SNTG1: variants seen among roughly 807,000 people sequenced by gnomAD.
SNTG1 encodes gamma-1-syntrophin.
SNTG1 carries 39 observed loss-of-function variants against 74.7 expected under a neutral mutation model. The observed-to-expected ratio is 0.52, with a 90% confidence interval of 0.40 to 0.68. SNTG1 has a LOEUF of 0.68. SNTG1 is among the 30% of genes least tolerant of loss of function. SNTG1 has a pLI of 0.00. For missense variants in SNTG1, 685 were observed against 609.5 expected, an observed-to-expected ratio of 1.12 and a Z score of -1.30; for synonymous variants, 254 against 217.1, an observed-to-expected ratio of 1.17 and a Z score of -1.49.
At chr8:50,202,794 TG>T (rs1423329695) in intron 2 of SNTG1, among the ~76,000 whole-genome samples, 8 of 143,238 alleles carry the variant, frequency 5.6e-5, no homozygotes, top group African/African-American at 2.1e-4. Context: ...CTCTTTGTTT[TG>T]TTTTTTTTTT....
intron 2 of SNTG1, among the ~76,000 whole-genome samples, chr8:50,306,538 A>G (rs1481592123): frequency 6.6e-6 from 1 of 151,986 alleles, no homozygotes; most frequent in Non-Finnish European, 1.5e-5. Flanking sequence ...TTCCTTTTTT[A>G]CCACATCCAC....
chr8:50,660,443 G>GA (rs2095216392), intron 15 of SNTG1, among the ~76,000 whole-genome samples: 3 of 123,916 alleles, frequency 2.4e-5, no homozygotes, highest in Non-Finnish European at 4.8e-5. Context: ...GAAAGAAAGA[G>GA]AAAAAAGAAA....
At chr8:50,674,820 C>A (rs1308911880) in intron 15 of SNTG1, among the ~76,000 whole-genome samples, 3 of 152,052 alleles carry the variant, frequency 2.0e-5, no homozygotes, top group African/African-American at 7.2e-5. Context: ...AAGTTTCCCT[C>A]TAAACACTGG....
At chr8:49,970,289 G>A (rs1349466300) in intron 1 of SNTG1, among the ~76,000 whole-genome samples, 1 of 152,002 alleles carries the variant, frequency 6.6e-6, no homozygotes, top group Admixed American at 6.6e-5. Flanking sequence ...ATGCCCACTG[G>A]GTAGTGCTGC....
At chr8:50,527,134 C>T (rs567820132) in intron 9 of SNTG1, among the ~76,000 whole-genome samples, 2 of 152,214 alleles carry the variant, frequency 1.3e-5, no homozygotes, top group African/African-American at 4.8e-5. Context: ...TGGCCATGTG[C>T]ATATCTTCTT....
chr8:50,197,360 T>A (rs1003364807), intron 2 of SNTG1, among the ~76,000 whole-genome samples: 5 of 152,192 alleles, frequency 3.3e-5, no homozygotes, highest in African/African-American at 1.2e-4. Flanking sequence ...ATTTTAGGAT[T>A]GCATAGTTTA....
At chr8:50,489,151 C>G (rs973896688) in intron 8 of SNTG1, among the ~76,000 whole-genome samples, 2 of 152,290 alleles carry the variant, frequency 1.3e-5, no homozygotes, top group East Asian at 3.9e-4. Flanking sequence ...TGTATATGTG[C>G]CACATTTTCT....
At chr8:50,128,811 A>G (rs910648747) in intron 1 of SNTG1, among the ~76,000 whole-genome samples, 6 of 152,146 alleles carry the variant, frequency 3.9e-5, no homozygotes, top group Non-Finnish European at 8.8e-5. Context: ...AATTATCTAT[A>G]TGCTCACCCC....
Position 50,112,515 on chromosome 8 carries a change from C to CTTTTTTT in SNTG1, c.-102-60027_-102-60021dup, listed in dbSNP as rs34942560. On this transcript the variant is annotated intron_variant, in intron 1 of 18. Transcript: ENST00000642720. ...AGCATACACAAGTATTTAGTTCTTT[C>CTTTTTTT]TTTTTTTTTTTTTTTTTTTTTTTTT... is the stretch of plus-strand genomic sequence containing the variant. 8.5e-4 allele frequency among the ~76,000 whole-genome samples: 66 copies of CTTTTTTT among 77,576 alleles called. 1 individual carries two copies. The highest frequency in any genetic ancestry group is 1.6e-3 in the Admixed American group (7 of 4,468). 50.9% of individuals were successfully genotyped at this position (77,576 alleles called of 152,430 possible).
At chr8:50,370,327 C>G (rs1322094690) in intron 2 of SNTG1, among the ~76,000 whole-genome samples, 2 of 152,192 alleles carry the variant, frequency 1.3e-5, no homozygotes, top group Non-Finnish European at 2.9e-5. Flanking sequence ...GCAACTTGAA[C>G]TCCCAGCCTG....
chr8:50,581,786 C>T (rs2094611569), intron 12 of SNTG1, among the ~76,000 whole-genome samples: 1 of 152,152 alleles, frequency 6.6e-6, no homozygotes, highest in Non-Finnish European at 1.5e-5. Flanking sequence ...GACTCAAGCT[C>T]AGTTCGTTGT....
intron 15 of SNTG1, among the ~76,000 whole-genome samples, chr8:50,679,471 A>T (rs2095322704): frequency 6.6e-6 from 1 of 152,268 alleles, no homozygotes; most frequent in South Asian, 2.1e-4. Context: ...TACTATTATC[A>T]ATAAGTCTGT....
At chr8:50,639,778 T>C (rs1292160473) in intron 13 of SNTG1, among the ~76,000 whole-genome samples, 1 of 152,120 alleles carries the variant, frequency 6.6e-6, no homozygotes, top group East Asian at 1.9e-4. Context: ...TTTTAGTATA[T>C]TATGATTTTG....
chr8:50,025,176 T>C (rs908121228), intron 1 of SNTG1, among the ~76,000 whole-genome samples: 4 of 152,134 alleles, frequency 2.6e-5, no homozygotes, highest in African/African-American at 9.7e-5. Flanking sequence ...AAATAAACAT[T>C]TTTAAATATT....
rs2091531601 is a variant in SNTG1, at chr8:50,347,970, T to TA, written c.-27-46242_-27-46241insA. ...TGATATAATGTTACAGGATGTTTGC[T>TA]TTCACTTCCCCAAGAAACATTTTTA... is the stretch of plus-strand genomic sequence containing the variant. On this transcript the variant is annotated intron_variant, in intron 2 of 18. Transcript: ENST00000642720. Among the ~76,000 whole-genome samples, 27 of 152,172 alleles carry TA rather than the reference T, an allele frequency of 1.8e-4. 2 individuals are homozygous for TA. The highest frequency in any genetic ancestry group is 5.2e-4 in the Admixed American group (8 of 15,278).
rs2080785415 is a variant in SNTG1 at position 50,115,576 on chromosome 8, A to AACAACAAAAAAAAAAAAAAAAC, written c.-102-56984_-102-56983insCAACAAAAAAAAAAAAAAAACA. Among the ~76,000 whole-genome samples, 4 of 82,800 alleles carry AACAACAAAAAAAAAAAAAAAAC rather than the reference A, an allele frequency of 4.8e-5. 1 individual carries two copies. Among genetic ancestry groups the AACAACAAAAAAAAAAAAAAAAC allele is most frequent in the Non-Finnish European group, 2.7e-5 (1 of 37,128 alleles). 54.3% of individuals were successfully genotyped at this position (82,800 alleles called of 152,430 possible). ...GAGCGAGACTCTGTCTCAAAAAAAA[A>AACAACAAAAAAAAAAAAAAAAC]AAAAAAAAAAACGAGATGGTTGAAG... On this transcript the variant is annotated intron_variant, in intron 1 of 18. Coordinates refer to ENST00000642720, the MANE Select transcript of SNTG1 (RefSeq NM_018967.5).
At chr8:50,478,742 T>C (rs944782875) in intron 8 of SNTG1, among the ~76,000 whole-genome samples, 1 of 152,208 alleles carries the variant, frequency 6.6e-6, no homozygotes, top group African/African-American at 2.4e-5. Context: ...GGAGTTTGTA[T>C]TGTGGTCCTT....
chr8:50,367,390 T>C (rs941580592), intron 2 of SNTG1, among the ~76,000 whole-genome samples: 1 of 152,122 alleles, frequency 6.6e-6, no homozygotes, highest in Non-Finnish European at 1.5e-5. Context: ...ATTAATTTTA[T>C]TTAATTCTAT....
intron 1 of SNTG1, among the ~76,000 whole-genome samples, chr8:50,003,359 C>A (rs1044008334): frequency 1.3e-5 from 2 of 152,224 alleles, no homozygotes; most frequent in Non-Finnish European, 2.9e-5. Context: ...AAATTTGTAA[C>A]TGTCAGTGCT....
Sources: allele counts gnomAD v4.1 joint callset (sites outside exome capture counted in the v4.1 genomes callset), GRCh38; gene constraint gnomAD v4.1.1; transcripts MANE v1.5; gene names NCBI Gene and HGNC (gene_info 2026-07-23, HGNC 2026-07-21).